ADAMTSL1: variants seen among roughly 807,000 people sequenced by gnomAD.
The protein encoded by ADAMTSL1 is ADAMTS like 1.
A neutral mutation model predicts 201.8 loss-of-function variants in ADAMTSL1; 126 were observed. The observed-to-expected ratio is 0.62, with a 90% CI of 0.54 to 0.72. The LOEUF (loss-of-function observed/expected upper bound fraction) is 0.72. Ranked by LOEUF, ADAMTSL1 falls within the 30% of genes least tolerant of loss-of-function variation. ADAMTSL1 has a pLI of 0.00. For missense variants in ADAMTSL1, 2,679 were observed against 2,277.8 expected (o/e 1.18, Z -3.59); for synonymous variants, 1,121 against 903.4 (o/e 1.24, Z -4.32).
At chr9:18,897,110 G>C (rs1220229559) in intron 26 of ADAMTSL1, among the ~76,000 whole-genome samples, 3 of 152,200 alleles carry the variant, frequency 2.0e-5, no homozygotes, top group Non-Finnish European at 4.4e-5. Flanking sequence ...CACACCTGCT[G>C]TGCCAGATAG....
In ADAMTSL1 at chr9:18,762,297, T is replaced by G. The variant is rs529391036; in HGVS notation, c.2218-8305T>G. ...CAGGGTGGGTTGGAGGTGATTTGTT[T>G]GCCAAAATGCAGAGGGGTTGGAGGA... On this transcript the variant is annotated intron_variant, in intron 16 of 28. Coordinates refer to ENST00000380548, the MANE Select transcript of ADAMTSL1 (RefSeq NM_001040272.6). Among the ~76,000 whole-genome samples the G allele has an allele frequency of 4.7e-4, 71 of 152,260 alleles. No homozygotes were observed. The South Asian group carries it at 0.015, about 31-fold the overall frequency.
intron 9 of ADAMTSL1, among the ~76,000 whole-genome samples, chr9:18,674,566 T>C (rs1175007614): frequency 6.6e-6 from 1 of 152,086 alleles, no homozygotes; most frequent in Non-Finnish European, 1.5e-5. Flanking sequence ...AACACCTGGG[T>C]TTGCTAGCCA....
chr9:18,634,996 C>A (rs1827021950), intron 5 of ADAMTSL1, among the ~76,000 whole-genome samples: 2 of 144,034 alleles, frequency 1.4e-5, no homozygotes, highest in African/African-American at 5.1e-5. Flanking sequence ...TTAAAACCTG[C>A]CTTTCTCTTG....
At chr9:18,018,430 T>A (rs992350118) in intron 1 of ADAMTSL1, among the ~76,000 whole-genome samples, 2 of 152,120 alleles carry the variant, frequency 1.3e-5, no homozygotes, top group Non-Finnish European at 2.9e-5. Context: ...TCCTTTTGAA[T>A]GAATAGTAAT....
intron 2 of ADAMTSL1, among the ~76,000 whole-genome samples, chr9:18,408,326 G>A (rs1160000419): frequency 2.6e-5 from 4 of 151,930 alleles, no homozygotes; most frequent in African/African-American, 9.7e-5. Flanking sequence ...TAAAAATTAG[G>A]TAGGCATGGT....
intron 2 of ADAMTSL1, among the ~76,000 whole-genome samples, chr9:18,305,461 A>G (rs939803864): frequency 2.6e-5 from 4 of 152,222 alleles, no homozygotes; most frequent in Non-Finnish European, 5.9e-5. Context: ...CACTGGCTTG[A>G]AATTCTCGCT....
Position 17,919,898 on chromosome 9 carries a change from G to A in ADAMTSL1, c.87+12976G>A, listed in dbSNP as rs552962758. On this transcript the variant is annotated intron_variant, in intron 1 of 29. Transcript: ENST00000680146. ...TTTAATCATTTGAGAAACTGCCAGA[G>A]TGTTTTCCAAACCTGCTACACCATT... 3.9e-5 allele frequency among the ~76,000 whole-genome samples: 6 copies of A among 152,206 alleles called. No individual in the cohort carries two copies. The South Asian group carries it at 1.2e-3, about 32-fold the overall frequency.
At chr9:18,134,435 G>A (rs939626388) in intron 1 of ADAMTSL1, among the ~76,000 whole-genome samples, 26 of 152,158 alleles carry the variant, frequency 1.7e-4, no homozygotes, top group African/African-American at 6.0e-4. Flanking sequence ...GGTGGAATGG[G>A]AGTAGAGACT....
intron 5 of ADAMTSL1, among the ~76,000 whole-genome samples, chr9:18,626,060 A>G (rs953498566): frequency 6.6e-6 from 1 of 152,218 alleles, no homozygotes; most frequent in African/African-American, 2.4e-5. Flanking sequence ...TTTTAAAGAA[A>G]GCACAAAACA....
chr9:18,753,218 T>C lies in ADAMTSL1; in HGVS notation c.2007-80T>C, dbSNP rs1254003118. The stretch of plus-strand genomic sequence containing the variant: ...TTCCCACTTTCCCAGTTAGGGGTTT[T>C]AACTCCATTTGAGTTCATGGGAAAC... On this transcript the variant is annotated intron_variant, in intron 15 of 28. Transcript: ENST00000380548. The C allele has an allele frequency of 2.1e-6, 3 of 1,409,718 alleles. No individual in the cohort carries two copies. The African/African-American group carries it at 4.3e-5, about 20-fold the overall frequency. The allele number at this position is 1,409,718 out of a possible 1,614,324, so 87.3% of individuals were successfully genotyped here. A position where few individuals can be genotyped will look rare whatever the true frequency, so the allele number is the denominator to read the frequency against.
chr9:18,149,768 CAG>C (rs571122825), intron 1 of ADAMTSL1, among the ~76,000 whole-genome samples: 3 of 152,140 alleles, frequency 2.0e-5, no homozygotes, highest in East Asian at 3.9e-4. Context: ...AGATTAGAAA[CAG>C]AGAGACTATC....
intron 19 of ADAMTSL1, among the ~76,000 whole-genome samples, chr9:18,787,841 C>G (rs10963761): frequency 0.24 from 36,152 of 152,032 alleles, 4,904 homozygotes; most frequent in Admixed American, 0.35. Context: ...GATAGGAAAT[C>G]CAGTCAGTCA....
At chr9:18,669,011 C>A (rs2133077880) in intron 9 of ADAMTSL1, among the ~76,000 whole-genome samples, 1 of 152,320 alleles carries the variant, frequency 6.6e-6, no homozygotes, top group Non-Finnish European at 1.5e-5. Context: ...AGGCAGGCAA[C>A]CTGATGCCTG....
chr9:18,185,940 C>T (rs7038144), intron 2 of ADAMTSL1, among the ~76,000 whole-genome samples: 147,718 of 152,274 alleles, frequency 0.97, 71,827 homozygotes, highest in East Asian at 1. Flanking sequence ...TTAAAATTTA[C>T]TCTAGGATTA....
At chr9:18,202,311 A>G (rs954442567) in intron 2 of ADAMTSL1, among the ~76,000 whole-genome samples, 5 of 152,220 alleles carry the variant, frequency 3.3e-5, no homozygotes, top group East Asian at 1.9e-4. Context: ...AAGCTATATA[A>G]TATTCAAACA....
chr9:18,897,625 C>G (rs1173068219), intron 26 of ADAMTSL1, among the ~76,000 whole-genome samples: 3 of 152,206 alleles, frequency 2.0e-5, no homozygotes, highest in Non-Finnish European at 4.4e-5. Flanking sequence ...TGCAGCAGCC[C>G]TACAGAAGAG....
chr9:18,037,149 T>G (rs1821233988), intron 1 of ADAMTSL1, among the ~76,000 whole-genome samples: 1 of 152,176 alleles, frequency 6.6e-6, no homozygotes, highest in African/African-American at 2.4e-5. Context: ...TTTGCACTCA[T>G]GAAACTTCAA....
chr9:17,930,012 A>T (rs1273929781), intron 1 of ADAMTSL1, among the ~76,000 whole-genome samples: 2 of 152,332 alleles, frequency 1.3e-5, no homozygotes, highest in East Asian at 3.9e-4. Flanking sequence ...GCAGTGAATA[A>T]AACTGTCTTG....
intron 2 of ADAMTSL1, among the ~76,000 whole-genome samples, chr9:18,256,682 G>A (rs1401791055): frequency 1.3e-5 from 2 of 152,186 alleles, no homozygotes; most frequent in Admixed American, 6.5e-5. Flanking sequence ...GAACCTACTA[G>A]CCTCAGGAAG....
Sources: gnomAD v4.1 joint callset for allele counts (sites outside exome capture counted in the v4.1 genomes callset) on GRCh38, gnomAD v4.1.1 for gene constraint, MANE v1.5 for transcripts, NCBI Gene and HGNC (gene_info 2026-07-23, HGNC 2026-07-21) for gene names.